FTO: variants seen among roughly 807,000 people sequenced by gnomAD.
FTO encodes the protein alpha-ketoglutarate-dependent dioxygenase FTO.
FTO carries 47 observed loss-of-function variants against 63.9 expected under a neutral mutation model. The observed-to-expected ratio is 0.74, with a 90% CI of 0.58 to 0.94. The LOEUF is 0.94. Among genes scored for constraint, FTO ranks in the 40% least tolerant of loss-of-function variants. The pLI is 0.00. For missense variants in FTO, 562 were observed against 618.1 expected (o/e 0.91, Z 0.96); for synonymous variants, 207 against 224.4 (o/e 0.92, Z 0.69).
chr16:53,858,399 G>T (rs556994275), intron 4 of FTO, among the ~76,000 whole-genome samples: 1 of 152,228 alleles, frequency 6.6e-6, no homozygotes, highest in Non-Finnish European at 1.5e-5. Flanking sequence ...AAATAAATAG[G>T]ACAGTAAACA....
intron 1 of FTO, among the ~76,000 whole-genome samples, chr16:53,806,277 G>A (rs1028922648): frequency 4.6e-5 from 7 of 152,168 alleles, no homozygotes; most frequent in African/African-American, 1.7e-4. Context: ...TTCATGTGAG[G>A]AATTAGTAGG....
chr16:54,114,179 A>G lies in FTO; in HGVS notation c.*2264A>G, dbSNP rs1372387213. 1.3e-5 allele frequency: 2 copies of G among 152,204 alleles called. No homozygotes were observed. The highest frequency in any genetic ancestry group is 4.8e-5 in the African/African-American group (2 of 41,448). 9.4% of individuals were successfully genotyped at this position (152,204 alleles called of 1,614,324 possible). A position where few individuals can be genotyped will look rare whatever the true frequency, so the allele number is the denominator to read the frequency against. ...CCATCCTCGCATGGCAGCAAGCTAAATAAGCATCTTCCCACTGCGAGTTGG... is the reference window on the plus strand; with the variant it reads ...CCATCCTCGCATGGCAGCAAGCTAAGTAAGCATCTTCCCACTGCGAGTTGG... On this transcript the variant is annotated 3_prime_UTR_variant, in exon 9 of 9. Coordinates refer to ENST00000471389, the MANE Select transcript of FTO (RefSeq NM_001080432.3).
At chr16:53,985,461 A>G (rs1243142303) in intron 8 of FTO, among the ~76,000 whole-genome samples, 1 of 152,244 alleles carries the variant, frequency 6.6e-6, no homozygotes, top group Non-Finnish European at 1.5e-5. Flanking sequence ...TAGGATGACC[A>G]GACATGAGAA....
In FTO at chr16:54,117,660, G is replaced by A. The variant is rs192384202; in HGVS notation, c.*5745G>A. On this transcript the variant is annotated 3_prime_UTR_variant, in exon 9 of 9. Transcript: ENST00000471389. ...TCACAGCTTCCATTTTTCGCTAGGC[G>A]GATGGCATGGAACTTTTTATAAATG... 119 of 152,156 alleles carry A rather than the reference G, an allele frequency of 7.8e-4. No homozygotes were observed. The highest frequency in any genetic ancestry group is 2.6e-3 in the African/African-American group (107 of 41,490). 9.4% of individuals were successfully genotyped at this position (152,156 alleles called of 1,614,324 possible). A position where few individuals can be genotyped will look rare whatever the true frequency, so the allele number is the denominator to read the frequency against.
chr16:53,878,068 G>T (rs1418872247), intron 5 of FTO, among the ~76,000 whole-genome samples: 1 of 152,176 alleles, frequency 6.6e-6, no homozygotes, highest in Non-Finnish European at 1.5e-5. Context: ...GGAGGCTGAG[G>T]GGGGTGGATC....
chr16:53,961,795 T>G (rs963074261), intron 8 of FTO, among the ~76,000 whole-genome samples: 8 of 152,344 alleles, frequency 5.3e-5, no homozygotes, highest in Admixed American at 4.6e-4. Flanking sequence ...TTTGCGCTAG[T>G]CTGGCTGATT....
intron 8 of FTO, among the ~76,000 whole-genome samples, chr16:53,941,234 CTG>C (rs1303569180): frequency 2.0e-5 from 3 of 152,182 alleles, no homozygotes; most frequent in Non-Finnish European, 4.4e-5. Context: ...GTGCTAGACA[CTG>C]TGGGGAATAT....
chr16:53,879,413 C>T (rs2080759632), intron 5 of FTO, among the ~76,000 whole-genome samples: 1 of 152,124 alleles, frequency 6.6e-6, no homozygotes, highest in Admixed American at 6.6e-5. Context: ...CAGTGACTCA[C>T]ACCTGTAATC....
intron 8 of FTO, among the ~76,000 whole-genome samples, chr16:54,064,963 A>T (rs2085685460): frequency 6.6e-6 from 1 of 151,912 alleles, no homozygotes; most frequent in Non-Finnish European, 1.5e-5. Flanking sequence ...CTGGCTGCAG[A>T]TCTCCTCATT....
intron 1 of FTO, among the ~76,000 whole-genome samples, chr16:53,758,672 C>A (rs1209943233): frequency 1.3e-5 from 2 of 151,972 alleles, no homozygotes; most frequent in Non-Finnish European, 2.9e-5. Flanking sequence ...TCCAGGAATG[C>A]CTCAAATAGG....
chr16:54,052,258 A>G (rs1394312090), intron 8 of FTO, among the ~76,000 whole-genome samples: 1 of 152,178 alleles, frequency 6.6e-6, no homozygotes, highest in African/African-American at 2.4e-5. Context: ...TGTGTCCACC[A>G]CTATCAGACA....
intron 8 of FTO, among the ~76,000 whole-genome samples, chr16:53,957,906 C>T (rs529206464): frequency 1.3e-5 from 2 of 152,350 alleles, no homozygotes; most frequent in East Asian, 3.9e-4. Context: ...ATGTGGCAAA[C>T]TTATGAATAT....
At chr16:53,720,903 C>A (rs1332624782) in intron 1 of FTO, among the ~76,000 whole-genome samples, 1 of 151,980 alleles carries the variant, frequency 6.6e-6, no homozygotes, top group Non-Finnish European at 1.5e-5. Flanking sequence ...AGTCCTCCCA[C>A]CCCAGGCTCC....
At chr16:54,041,085 T>C (rs1254592049) in intron 8 of FTO, among the ~76,000 whole-genome samples, 2 of 152,244 alleles carry the variant, frequency 1.3e-5, no homozygotes, top group East Asian at 3.8e-4. Context: ...AAGGGTACTA[T>C]TACTTTATCA....
In FTO at chr16:54,112,741, T is replaced by C. The variant is rs1457726321; in HGVS notation, c.*826T>C. ...GTTAATAATTAAAATAAAGTTGATA[T>C]CCTGTCTTTAGGGAGTTCCCTTGAT... On this transcript the variant is annotated 3_prime_UTR_variant, in exon 9 of 9. Transcript: ENST00000471389. The C allele has an allele frequency of 6.6e-6, 1 of 152,218 alleles. No individual in the cohort carries two copies. The highest frequency in any genetic ancestry group is 6.5e-5 in the Admixed American group (1 of 15,292). 9.4% of individuals were successfully genotyped at this position (152,218 alleles called of 1,614,324 possible).
intron 1 of FTO, among the ~76,000 whole-genome samples, chr16:53,712,110 A>T (rs894528283): frequency 6.6e-6 from 1 of 152,190 alleles, no homozygotes; most frequent in Non-Finnish European, 1.5e-5. Flanking sequence ...TAATAACAAT[A>T]ACTCAACAAA....
intron 8 of FTO, among the ~76,000 whole-genome samples, chr16:53,983,070 A>C (rs2083583444): frequency 6.6e-6 from 1 of 152,260 alleles, no homozygotes; most frequent in South Asian, 2.1e-4. Flanking sequence ...ACTGCTAGCT[A>C]GCGGAAAATA....
In FTO at chr16:53,842,077, G is replaced by A. The variant is rs186666545; in HGVS notation, c.752-2078G>A. 5.9e-5 allele frequency among the ~76,000 whole-genome samples: 9 copies of A among 152,212 alleles called. No individual in the cohort carries two copies. In the South Asian group the frequency reaches 6.2e-4, roughly 11 times the overall value. ...TTTCTTTCCCTGCCATCTAGCACAA[G>A]GACTGTGAATGGAGTGAACTAAAAG... On this transcript the variant is annotated intron_variant, in intron 3 of 8. Coordinates refer to ENST00000471389, the MANE Select transcript of FTO (RefSeq NM_001080432.3).
rs1243559418 is a variant in FTO, at chr16:54,112,002, ACTTCT to A, written c.*91_*95del. On this transcript the variant is annotated 3_prime_UTR_variant, in exon 9 of 9. Transcript: ENST00000471389. ...ATGGGCTTAAGCAAGAGCAGTGGAG[ACTTCT>A]CTTGGCCCCTAGATTGTAGCACCCG... is the stretch of plus-strand genomic sequence containing the variant. The A allele has an allele frequency of 1.4e-6, 2 of 1,447,434 alleles. No individual in the cohort carries two copies. Among genetic ancestry groups the A allele is most frequent in the Admixed American group, 1.7e-5 (1 of 59,656 alleles). 89.7% of individuals were successfully genotyped at this position (1,447,434 alleles called of 1,614,324 possible).
Sources: gnomAD v4.1 joint callset for allele counts (sites outside exome capture counted in the v4.1 genomes callset) on GRCh38, gnomAD v4.1.1 for gene constraint, MANE v1.5 for transcripts, NCBI Gene and HGNC (gene_info 2026-07-23, HGNC 2026-07-21) for gene names.